Variants in SHTN1 observed in about 807,000 individuals in gnomAD.
SHTN1 encodes the protein shootin-1.
Under a neutral mutation model 83.1 loss-of-function variants are expected in SHTN1, and 42 were observed. The ratio of observed to expected loss-of-function variants is 0.51; its 90% CI spans 0.39 to 0.65. The LOEUF is 0.65. Among genes scored for constraint, SHTN1 ranks in the 30% least tolerant of loss-of-function variants. The pLI is 0.00. For synonymous variants in SHTN1, 224 were observed against 247.7 expected, an observed-to-expected ratio of 0.90 and a Z score of 0.90; for missense variants, 622 against 737.8, an observed-to-expected ratio of 0.84 and a Z score of 1.82.
intron 5 of SHTN1, among the ~76,000 whole-genome samples, chr10:116,953,739 C>T (rs1236703157): frequency 1.3e-5 from 2 of 150,684 alleles, no homozygotes; most frequent in East Asian, 2.0e-4. Flanking sequence ...GTGATTCTCC[C>T]GCCTCAGCCT....
chr10:116,989,785 G>A (rs2133507733), intron 1 of SHTN1, among the ~76,000 whole-genome samples: 1 of 152,276 alleles, frequency 6.6e-6, no homozygotes, highest in South Asian at 2.1e-4. Context: ...CCACTATTTG[G>A]AGTTACTTTT....
chr10:116,911,818 C>T lies in SHTN1; in HGVS notation c.1331G>A (p.Ser444Asn), dbSNP rs1848211811. 1 of 1,612,728 alleles carries T rather than the reference C, an allele frequency of 6.2e-7. No homozygotes were observed. The highest frequency in any genetic ancestry group is 1.1e-5 in the South Asian group (1 of 91,044). The part of the protein sequence containing the change: ...TKPESSKGCE[S>N]AVDELKGILG... The stretch of plus-strand genomic sequence containing the variant: ...TATTCCTTTTAGTTCATCCACTGCA[C>T]TTTCGCAGCCTTTCGAAGATTCTGG... The change falls in exon 14 of 17, where the codon AGT (serine) becomes AAT (asparagine). Residue 444 changes from serine (S) to asparagine (N), a missense_variant. By Grantham distance (46) the Ser-to-Asn change is conservative. Coordinates refer to ENST00000355371, the MANE Select transcript of SHTN1 (RefSeq NM_001127211.3).
intron 16 of SHTN1, among the ~76,000 whole-genome samples, chr10:116,892,484 G>A (rs2133305564): frequency 6.6e-6 from 1 of 152,266 alleles, no homozygotes; most frequent in East Asian, 1.9e-4. Flanking sequence ...TAAAAGCCAT[G>A]TTATTTATAA....
intron 1 of SHTN1, among the ~76,000 whole-genome samples, chr10:117,091,245 G>A (rs1464313544): frequency 6.6e-6 from 1 of 152,222 alleles, no homozygotes. Flanking sequence ...GCCAGGGACT[G>A]TTCCAAATAC....
At chr10:116,985,649 C>T (rs1851193922) in intron 1 of SHTN1, among the ~76,000 whole-genome samples, 1 of 152,128 alleles carries the variant, frequency 6.6e-6, no homozygotes, top group African/African-American at 2.4e-5. Context: ...TATCAAGATA[C>T]TTAATAAAAA....
At chr10:116,977,448 G>C (rs1342286399) in intron 2 of SHTN1, among the ~76,000 whole-genome samples, 1 of 152,078 alleles carries the variant, frequency 6.6e-6, no homozygotes, top group African/African-American at 2.4e-5. Context: ...CCTACAGCTG[G>C]AAGATAGCTG....
intron 5 of SHTN1, among the ~76,000 whole-genome samples, chr10:116,953,261 A>G (rs959459307): frequency 6.6e-6 from 1 of 152,182 alleles, no homozygotes; most frequent in Non-Finnish European, 1.5e-5. Context: ...GTATCATATG[A>G]TCTTGCCTTA....
intron 4 of SHTN1, among the ~76,000 whole-genome samples, chr10:116,954,837 G>A (rs1311131845): frequency 6.6e-6 from 1 of 152,086 alleles, no homozygotes. Flanking sequence ...TCCACTATAG[G>A]ATCAAGGAAA....
intron 1 of SHTN1, among the ~76,000 whole-genome samples, chr10:117,004,385 C>T (rs1328885377): frequency 1.3e-5 from 2 of 152,116 alleles, no homozygotes; most frequent in African/African-American, 4.8e-5. Context: ...TACAGAAATG[C>T]GTGCGCATGG....
chr10:116,886,862 C>T (rs954807564), intron 16 of SHTN1, among the ~76,000 whole-genome samples: 22 of 152,194 alleles, frequency 1.4e-4, no homozygotes, highest in African/African-American at 4.1e-4. Context: ...TCTCAGGAAG[C>T]GTAAAGCTCA....
At chr10:116,956,102 C>T (rs1849969805) in intron 4 of SHTN1, among the ~76,000 whole-genome samples, 2 of 152,320 alleles carry the variant, frequency 1.3e-5, no homozygotes, top group South Asian at 4.1e-4. Context: ...ACATTTAAGA[C>T]TTAATTTCTG....
chr10:116,995,953 G>A (rs1851613145), intron 1 of SHTN1, among the ~76,000 whole-genome samples: 2 of 152,084 alleles, frequency 1.3e-5, no homozygotes, highest in African/African-American at 4.8e-5. Context: ...CCTAAGCTTG[G>A]CTTCTTAGCC....
intron 1 of SHTN1, among the ~76,000 whole-genome samples, chr10:117,078,470 T>C (rs796830505): frequency 1.3e-5 from 2 of 152,318 alleles, no homozygotes; most frequent in African/African-American, 2.4e-5. Context: ...GAGTAGTAGA[T>C]TGTGGCCACA....
At chr10:117,074,217 A>G (rs888956832) in intron 1 of SHTN1, among the ~76,000 whole-genome samples, 1 of 152,172 alleles carries the variant, frequency 6.6e-6, no homozygotes, top group African/African-American at 2.4e-5. Flanking sequence ...TTCACTCCCT[A>G]ATAGCTTTTG....
intron 3 of SHTN1, among the ~76,000 whole-genome samples, chr10:116,965,040 A>T (rs1428809001): frequency 6.6e-6 from 1 of 152,228 alleles, no homozygotes; most frequent in Non-Finnish European, 1.5e-5. Flanking sequence ...CGGTCTAGGG[A>T]ATGCAGCTTT....
At chr10:116,980,560 C>A (rs1260330087) in intron 1 of SHTN1, among the ~76,000 whole-genome samples, 39 of 149,096 alleles carry the variant, frequency 2.6e-4, no homozygotes, top group Non-Finnish European at 4.7e-4. Flanking sequence ...AAAAAAAAAA[C>A]CCTCAGTTTT....
intron 1 of SHTN1, among the ~76,000 whole-genome samples, chr10:117,116,931 T>C (rs1251649302): frequency 6.6e-6 from 1 of 152,140 alleles, no homozygotes; most frequent in Non-Finnish European, 1.5e-5. Flanking sequence ...AGGCTGTATA[T>C]GACAAACCCA....
At chr10:117,041,631 A>G (rs375089377) in intron 2 of SHTN1, among the ~76,000 whole-genome samples, 1 of 152,290 alleles carries the variant, frequency 6.6e-6, no homozygotes, top group South Asian at 2.1e-4. Context: ...GAAGAGTTAC[A>G]TTGGTTCACC....
chr10:116,979,722 C>T (rs1386374637), intron 1 of SHTN1, among the ~76,000 whole-genome samples: 1 of 152,228 alleles, frequency 6.6e-6, no homozygotes, highest in Non-Finnish European at 1.5e-5. Context: ...CTTTCTGATG[C>T]TCAGCACTTG....
Sources: gnomAD v4.1 joint callset for allele counts (sites outside exome capture counted in the v4.1 genomes callset) on GRCh38, gnomAD v4.1.1 for gene constraint, MANE v1.5 for transcripts, NCBI Gene and HGNC (gene_info 2026-07-23, HGNC 2026-07-21) for gene names.